TUT4: variants seen among roughly 807,000 people sequenced by gnomAD.
TUT4 encodes the protein terminal uridylyltransferase 4.
Under a neutral mutation model 192.2 loss-of-function variants are expected in TUT4, and 36 were observed. The observed-to-expected ratio is 0.19, with a 90% CI of 0.14 to 0.25. The LOEUF is 0.25. Among genes scored for constraint, TUT4 ranks in the 10% least tolerant of loss-of-function variants. The pLI is 1.00. For synonymous variants in TUT4, 618 were observed against 666.0 expected (o/e 0.93, Z 1.11); for missense variants, 1,493 against 1,957.2 (o/e 0.76, Z 4.47).
chr1:52,450,667 CATT>C (rs1181907970), intron 20 of TUT4, among the ~76,000 whole-genome samples: 1 of 151,986 alleles, frequency 6.6e-6, no homozygotes, highest in Non-Finnish European at 1.5e-5. Context: ...GAAATATTAT[CATT>C]ATTACATTTT....
At chr1:52,496,489 G>A (rs186832068) in intron 5 of TUT4, among the ~76,000 whole-genome samples, 5 of 151,954 alleles carry the variant, frequency 3.3e-5, no homozygotes, top group East Asian at 1.9e-4. Context: ...TAAGTCTTAC[G>A]TCAGATACAT....
At chr1:52,458,517 C>A in intron 19 of TUT4, 68 bp from the exon 20 acceptor site, 1 of 1,203,096 alleles carries the variant, frequency 8.3e-7, no homozygotes, top group Non-Finnish European at 1.2e-6. Context: ...ATTAAACATT[C>A]TGCCACATCA....
At chr1:52,426,249 G>GATGC (rs1553152917) in intron 28 of TUT4, among the ~76,000 whole-genome samples, 1 of 151,928 alleles carries the variant, frequency 6.6e-6, no homozygotes, top group African/African-American at 2.4e-5. Context: ...TTGAACCTCA[G>GATGC]ATTATGAGGT....
At chr1:52,492,215 C>T (rs1345335001) in intron 7 of TUT4, among the ~76,000 whole-genome samples, 2 of 151,994 alleles carry the variant, frequency 1.3e-5, no homozygotes, top group Non-Finnish European at 2.9e-5. Context: ...ATACACTGTA[C>T]CAAACTCATT....
intron 2 of TUT4, among the ~76,000 whole-genome samples, chr1:52,524,481 G>A (rs1020010843): frequency 6.7e-6 from 1 of 149,848 alleles, no homozygotes; most frequent in Admixed American, 6.7e-5. Flanking sequence ...CCAAGATTGC[G>A]CCACTGCACT....
At position 52,425,520 on chromosome 1, in the gene TUT4, A is replaced by G; in HGVS notation, c.4712-13T>C. 1 of 1,598,508 alleles carries G rather than the reference A, an allele frequency of 6.3e-7. No homozygotes were observed. Among genetic ancestry groups the G allele is most frequent in the Non-Finnish European group, 8.5e-7 (1 of 1,172,942 alleles). The stretch of plus-strand genomic sequence containing the variant: ...CGAAAGCCTGGCTCTGCATTTCAAC[A>G]AGAGGGAAAAAGACATTTAAAAACA... On this transcript the variant is annotated splice_polypyrimidine_tract_variant and intron_variant, in intron 28 of 29. Transcript: ENST00000257177.
At chr1:52,518,475 CT>C (rs1230068062) in intron 2 of TUT4, among the ~76,000 whole-genome samples, 1 of 152,156 alleles carries the variant, frequency 6.6e-6, no homozygotes, top group Non-Finnish European at 1.5e-5. Context: ...CTCTCTTCTC[CT>C]TTTTTATAAG....
intron 3 of TUT4, among the ~76,000 whole-genome samples, chr1:52,510,006 GA>G (rs775878321): frequency 1.8e-4 from 27 of 151,954 alleles, no homozygotes; most frequent in Non-Finnish European, 3.5e-4. Context: ...ATCATCTTTA[GA>G]ATCCAATGTA....
intron 1 of TUT4, among the ~76,000 whole-genome samples, chr1:52,542,972 C>T (rs769865650): frequency 1.4e-4 from 22 of 152,280 alleles, no homozygotes; most frequent in South Asian, 2.1e-4. Flanking sequence ...TCAGGCTGGT[C>T]TCGAACTCCT....
intron 9 of TUT4, among the ~76,000 whole-genome samples, chr1:52,483,191 T>C (rs1668942608): frequency 6.6e-6 from 1 of 152,198 alleles, no homozygotes; most frequent in Admixed American, 6.5e-5. Context: ...CCTAAAGAGA[T>C]TATGAAATTT....
chr1:52,527,988 C>A (rs529764757), intron 1 of TUT4, among the ~76,000 whole-genome samples: 3 of 149,824 alleles, frequency 2.0e-5, no homozygotes, highest in Non-Finnish European at 4.5e-5. Context: ...ACCAGCCTGG[C>A]CAACATGGTG....
At chr1:52,488,298 C>T (rs1356962623) in intron 9 of TUT4, among the ~76,000 whole-genome samples, 1 of 152,178 alleles carries the variant, frequency 6.6e-6, no homozygotes, top group Non-Finnish European at 1.5e-5. Context: ...GGCAGGAATA[C>T]ACAAACAAAA....
At chr1:52,439,068 T>TAAAAAAAAAA (rs984014427) in intron 24 of TUT4, among the ~76,000 whole-genome samples, 2 of 79,324 alleles carry the variant, frequency 2.5e-5, no homozygotes, top group African/African-American at 1.0e-4. Context: ...AGACTCCATC[T>TAAAAAAAAAA]AAAAAAAAAA....
intron 1 of TUT4, among the ~76,000 whole-genome samples, chr1:52,532,888 C>T (rs978896165): frequency 6.6e-6 from 1 of 152,152 alleles, no homozygotes; most frequent in Non-Finnish European, 1.5e-5. Context: ...TCTGATGTGG[C>T]CTTCTGATAA....
chr1:52,466,675 TA>T (rs1253455394), intron 15 of TUT4, among the ~76,000 whole-genome samples: 19 of 139,234 alleles, frequency 1.4e-4, no homozygotes, highest in Admixed American at 2.1e-4. Context: ...TATATATATA[TA>T]TATATATTTT....
At chr1:52,540,001 G>C (rs1258921405) in intron 1 of TUT4, among the ~76,000 whole-genome samples, 1 of 151,052 alleles carries the variant, frequency 6.6e-6, no homozygotes, top group Non-Finnish European at 1.5e-5. Context: ...GGCAGATCAC[G>C]AGGTCAGGAG....
At chr1:52,490,633 G>C in intron 8 of TUT4, 99 bp downstream of exon 8, 1 of 941,750 alleles carries the variant, frequency 1.1e-6, no homozygotes, top group Non-Finnish European at 1.6e-6. Context: ...CATCCAAGGA[G>C]AAATCTAAAA....
In TUT4 at chr1:52,475,211, A is replaced by G. The variant is rs1176245955; in HGVS notation, c.2348T>C (p.Leu783Ser). The G allele has an allele frequency of 2.5e-6, 4 of 1,614,032 alleles. No homozygotes were observed. In the African/African-American group the frequency reaches 4.0e-5, roughly 16 times the overall value. The stretch of plus-strand genomic sequence containing the variant: ...AGCAAAATCTAGTTCATTTACCAAC[A>G]AATTGTTGTTGTCAATAATACATCT... ...SQRCIIDNNNLLVNELDFADH... is the reference protein window; with the variant it reads ...SQRCIIDNNNSLVNELDFADH... Residue 783 changes from leucine (L) to serine (S), a missense_variant, in exon 13 of 30, where the codon TTG (leucine) becomes TCG (serine). Leu to Ser is a moderately radical substitution (Grantham distance 145). Around this residue, in one of 7 missense-constraint regions of TUT4, gnomAD observed 245 missense variants for 218.4 expected, o/e 1.12. Coordinates refer to ENST00000257177, the MANE Select transcript of TUT4 (RefSeq NM_001009881.3).
intron 1 of TUT4, among the ~76,000 whole-genome samples, chr1:52,533,737 G>T (rs538885436): frequency 6.6e-6 from 1 of 152,084 alleles, no homozygotes; most frequent in African/African-American, 2.4e-5. Flanking sequence ...GGAGGCTAAG[G>T]CAGGTAGATC....
Sources: allele counts gnomAD v4.1 joint callset (sites outside exome capture counted in the v4.1 genomes callset), GRCh38; gene constraint gnomAD v4.1.1; regional missense constraint gnomAD v4.1.1; transcripts MANE v1.5; gene names NCBI Gene and HGNC (gene_info 2026-07-23, HGNC 2026-07-21).